DSG2: variants seen among roughly 807,000 people sequenced by gnomAD.
DSG2 encodes desmoglein-2.
A neutral mutation model predicts 75.6 loss-of-function variants in DSG2; 45 were observed. The ratio of observed to expected loss-of-function variants is 0.60; its 90% CI spans 0.47 to 0.76. The LOEUF is 0.76. Ranked by LOEUF, DSG2 falls within the 30% of genes least tolerant of loss-of-function variation. DSG2 has a pLI of 0.00. For synonymous variants in DSG2, 429 were observed against 483.9 expected (o/e 0.89, Z 1.49); for missense variants, 1,267 against 1,357.4 (o/e 0.93, Z 1.05).
At chr18:31,514,573 AAAT>A (rs1378521368) in intron 1 of DSG2, among the ~76,000 whole-genome samples, 2 of 152,260 alleles carry the variant, frequency 1.3e-5, no homozygotes, top group Non-Finnish European at 2.9e-5. Context: ...CTAAACAAAC[AAAT>A]GATATTTCAT....
At chr18:31,531,368 C>A in intron 9 of DSG2, 116 bp downstream of exon 9, 1 of 1,244,618 alleles carries the variant, frequency 8.0e-7, no homozygotes, top group Non-Finnish European at 1.1e-6. Context: ...TATAGTTCCC[C>A]AAAGGTCTAC....
At chr18:31,540,575 T>C (rs1478756909) in intron 12 of DSG2, among the ~76,000 whole-genome samples, 2 of 152,246 alleles carry the variant, frequency 1.3e-5, no homozygotes, top group Admixed American at 6.5e-5. Flanking sequence ...TCGTAGTAGC[T>C]GTAGTTAATG....
chr18:31,507,018 GCTGCACCCATCAACTCGTCAT>G (rs1468979283), intron 1 of DSG2, among the ~76,000 whole-genome samples: 6 of 151,920 alleles, frequency 3.9e-5, no homozygotes, highest in African/African-American at 1.5e-4. Context: ...ATTGTGGTTT[GCTGCACCCATCAACTCGTCAT>G]CTGTATTAGG....
intron 1 of DSG2, among the ~76,000 whole-genome samples, chr18:31,514,327 C>G (rs1598806915): frequency 6.6e-6 from 1 of 152,090 alleles, no homozygotes; most frequent in East Asian, 1.9e-4. Context: ...GAAATGTGTG[C>G]TAGGTAATTG....
At chr18:31,504,794 G>A (rs2073030733) in intron 1 of DSG2, among the ~76,000 whole-genome samples, 1 of 152,148 alleles carries the variant, frequency 6.6e-6, no homozygotes, top group Admixed American at 6.5e-5. Context: ...AGCTTAACAT[G>A]TCTACAATCT....
Position 31,535,344 on chromosome 18 carries a change from T to C in DSG2, c.1355T>C (p.Leu452Pro), listed in dbSNP as rs763810935. 1 of 1,610,530 alleles carries C rather than the reference T, an allele frequency of 6.2e-7. No homozygotes were observed. The highest frequency in any genetic ancestry group is 8.5e-7 in the Non-Finnish European group (1 of 1,177,216). The change falls in exon 10 of 15, where the codon CTT (leucine) becomes CCT (proline). Residue 452 changes from leucine to proline, a missense_variant. Coordinates refer to ENST00000261590, the MANE Select transcript of DSG2 (RefSeq NM_001943.5). ...SVTSEIKLAK[L>P]PDFESRYVQN... Reference sequence around the variant, plus strand: ...ACATCTGAAATTAAACTTGCAAAACTTCCTGATTTTGAATCTAGATATGTT... The same window carrying C: ...ACATCTGAAATTAAACTTGCAAAACCTCCTGATTTTGAATCTAGATATGTT...
rs2072993905 is a variant in DSG2, at chr18:31,498,246, G to A, written c.-6G>A. On this transcript the variant is annotated 5_prime_UTR_variant, in exon 1 of 15. Coordinates refer to ENST00000261590, the MANE Select transcript of DSG2 (RefSeq NM_001943.5). ...TGCGGCGGCGGGAGGCGGAGGCGAG[G>A]GTGCGATGGCGCGGAGCCCGGGACG... 3 of 1,256,850 alleles carry A rather than the reference G, an allele frequency of 2.4e-6. No homozygotes were observed. The highest frequency in any genetic ancestry group is 1.6e-5 in the African/African-American group (1 of 64,460). The allele number at this position is 1,256,850 out of a possible 1,614,324, so 77.9% of individuals were successfully genotyped here. A position where few individuals can be genotyped will look rare whatever the true frequency, so the allele number is the denominator to read the frequency against.
rs954220960 is a variant in DSG2 at position 31,515,416 on chromosome 18, A to T, written c.46-2823A>T. The stretch of plus-strand genomic sequence containing the variant: ...CACTGTACCCGGCCTAAATATACTA[A>T]ATTTTAAGGCTGTTCCCTGATGATG... On this transcript the variant is annotated intron_variant, in intron 1 of 14. Coordinates refer to ENST00000261590, the MANE Select transcript of DSG2 (RefSeq NM_001943.5). Among the ~76,000 whole-genome samples, 6 of 152,024 alleles carry T rather than the reference A, an allele frequency of 3.9e-5. No individual in the cohort carries two copies. The South Asian group carries it at 1.2e-3, about 32-fold the overall frequency.
At position 31,542,770 on chromosome 18, in the gene DSG2, C is replaced by T. The variant is rs727502989; in HGVS notation, c.2252C>T (p.Thr751Ile). The T allele has an allele frequency of 8.7e-6, 14 of 1,610,888 alleles. No homozygotes were observed. The highest frequency in any genetic ancestry group is 1.7e-5 in the Admixed American group (1 of 59,566). Reference protein sequence around the residue: ...TTETTKTARATGASRDMAGAQ... With the variant: ...TTETTKTARAIGASRDMAGAQ... Reference sequence around the variant, plus strand: ...GAAACCACGAAGACCGCAAGGGCCACAGGGGCTTCCAGAGACATGGCCGGA... The same window carrying T: ...GAAACCACGAAGACCGCAAGGGCCATAGGGGCTTCCAGAGACATGGCCGGA... Residue 751 changes from threonine (T) to isoleucine (I), a missense_variant, in exon 14 of 15, where the codon ACA (threonine) becomes ATA (isoleucine). By Grantham distance (89) the Thr-to-Ile change is moderately conservative. Coordinates refer to ENST00000261590, the MANE Select transcript of DSG2 (RefSeq NM_001943.5).
chr18:31,532,813 G>A (rs1209456995), intron 9 of DSG2, among the ~76,000 whole-genome samples: 1 of 152,152 alleles, frequency 6.6e-6, no homozygotes, highest in East Asian at 1.9e-4. Flanking sequence ...TGTCTATGGA[G>A]AAACTTATAT....
At chr18:31,519,276 T>C (rs1191231656) in intron 2 of DSG2, among the ~76,000 whole-genome samples, 1 of 152,164 alleles carries the variant, frequency 6.6e-6, no homozygotes, top group African/African-American at 2.4e-5. Context: ...AATTCTACTG[T>C]CTGGGCACAG....
chr18:31,542,498 T>C (rs753772710), intron 13 of DSG2, 22 bp from the exon 14 acceptor site: 1 of 1,612,830 alleles, frequency 6.2e-7, no homozygotes, highest in Admixed American at 1.7e-5. Context: ...GACTCAGTTC[T>C]CAGCTGTGTT....
rs552744145 is a variant in DSG2 at position 31,518,635 on chromosome 18, A to G, written c.81+361A>G. Among the ~76,000 whole-genome samples, 283 of 152,322 alleles carry G rather than the reference A, an allele frequency of 1.9e-3. 1 individual carries two copies. The highest frequency in any genetic ancestry group is 3.0e-3 in the Non-Finnish European group (202 of 68,036). ...AACTGTATAGTTATGAAAAATCATA[A>G]AAGATATTAATCAAGCTGTTAATGA... On this transcript the variant is annotated intron_variant, in intron 2 of 14. Coordinates refer to ENST00000261590, the MANE Select transcript of DSG2 (RefSeq NM_001943.5).
rs370097438 is a variant in DSG2 at position 31,538,806 on chromosome 18, G to C, written c.1707G>C (p.Gln569His). The change falls in exon 12 of 15, where the codon CAG becomes CAC. Residue 569 changes from glutamine to histidine, a missense_variant. Physicochemically the swap from Gln to His is conservative, Grantham distance 24. Transcript: ENST00000261590. ...AAAAGCTTGGGAGAAGTGAAATTCA[G>C]TTCCTGATTTCAGACAATCAGGGTT... is the stretch of plus-strand genomic sequence containing the variant. ...SEKKLGRSEI[Q>H]FLISDNQGFS... The C allele has an allele frequency of 2.4e-5, 38 of 1,614,196 alleles. No homozygotes were observed. Among genetic ancestry groups the C allele is most frequent in the Non-Finnish European group, 3.1e-5 (36 of 1,180,030 alleles).
chr18:31,546,612 G>T lies in DSG2; in HGVS notation c.3226G>T (p.Val1076Leu), dbSNP rs761545577. 21 of 1,614,090 alleles carry T rather than the reference G, an allele frequency of 1.3e-5. No individual in the cohort carries two copies. In the South Asian group the frequency reaches 2.3e-4, roughly 18 times the overall value. ...TTCTATGACGGCTAGGAACACCACG[G>T]TGTCTGGAGCTGGAGTCCCTGGCCC... ...ENSMTARNTT[V>L]SGAGVPGPLP... The change falls in exon 15 of 15, where the codon GTG (valine) becomes TTG (leucine). Residue 1076 changes from valine to leucine, a missense_variant. Physicochemically the swap from Val to Leu is conservative, Grantham distance 32. Coordinates refer to ENST00000261590, the MANE Select transcript of DSG2 (RefSeq NM_001943.5).
intron 2 of DSG2, among the ~76,000 whole-genome samples, chr18:31,519,211 C>A (rs2073112429): frequency 6.6e-6 from 1 of 152,120 alleles, no homozygotes; most frequent in Non-Finnish European, 1.5e-5. Context: ...CTAAATGATT[C>A]TTTAAACTTT....
intron 6 of DSG2, 28 bp from the exon 7 acceptor site, chr18:31,524,420 C>T: frequency 1.2e-6 from 2 of 1,614,024 alleles, no homozygotes; most frequent in Middle Eastern, 1.7e-4. Context: ...TCTTTTCACC[C>T]AGCTGGACAT....
At chr18:31,501,153 A>G (rs1402485634) in intron 1 of DSG2, among the ~76,000 whole-genome samples, 1 of 152,176 alleles carries the variant, frequency 6.6e-6, no homozygotes, top group Non-Finnish European at 1.5e-5. Context: ...GCTGATAACT[A>G]TTTCAATATA....
At chr18:31,512,012 AC>A (rs1311434123) in intron 1 of DSG2, among the ~76,000 whole-genome samples, 2 of 152,200 alleles carry the variant, frequency 1.3e-5, no homozygotes, top group African/African-American at 4.8e-5. Flanking sequence ...TTAAAGATGT[AC>A]AAAACCTCTA....
Sources: allele counts gnomAD v4.1 joint callset (sites outside exome capture counted in the v4.1 genomes callset), GRCh38; gene constraint gnomAD v4.1.1; transcripts MANE v1.5; gene names NCBI Gene and HGNC (gene_info 2026-07-23, HGNC 2026-07-21).